The following GPC6 variants were observed in gnomAD, a reference collection of about 807,000 sequenced individuals.
GPC6 encodes glypican-6.
GPC6 carries 14 observed loss-of-function variants against 55.2 expected under a neutral mutation model. The observed-to-expected ratio is 0.25, with a 90% confidence interval of 0.17 to 0.40. The LOEUF is 0.40. GPC6 is among the 10% of genes least tolerant of loss of function. The pLI, the probability that GPC6 is intolerant of heterozygous loss-of-function variation, is 1.00. For synonymous variants in GPC6, 278 were observed against 259.6 expected (o/e 1.07, Z -0.68); for missense variants, 641 against 708.5 (o/e 0.90, Z 1.08).
At chr13:93,364,494 T>C (rs1010796368) in intron 1 of GPC6, among the ~76,000 whole-genome samples, 4 of 152,092 alleles carry the variant, frequency 2.6e-5, no homozygotes, top group Non-Finnish European at 5.9e-5. Context: ...TAGTCGTTGA[T>C]GCTATATGTT....
chr13:93,370,960 A>G lies in GPC6; in HGVS notation c.160+143344A>G, dbSNP rs551347866. Among the ~76,000 whole-genome samples the G allele has an allele frequency of 8.5e-5, 13 of 152,150 alleles. No homozygotes were observed. The South Asian group carries it at 2.7e-3, about 32-fold the overall frequency. ...CTTCCATAGCCAATTAGAATGATTC[A>G]CCCTTTTGACAAATTGAAAAGACGG... On this transcript the variant is annotated intron_variant, in intron 1 of 8. Transcript: ENST00000377047.
intron 5 of GPC6, among the ~76,000 whole-genome samples, chr13:94,301,637 T>C (rs1875656119): frequency 6.6e-6 from 1 of 152,240 alleles, no homozygotes; most frequent in Non-Finnish European, 1.5e-5. Context: ...AATAATATTG[T>C]TATTCCCATT....
chr13:94,337,329 T>TATAA (rs1451089202), intron 6 of GPC6, among the ~76,000 whole-genome samples: 1 of 152,216 alleles, frequency 6.6e-6, no homozygotes, highest in Non-Finnish European at 1.5e-5. Context: ...AATAAAAATA[T>TATAA]AAATTTTATT....
At chr13:93,877,544 C>T (rs553957757) in intron 3 of GPC6, among the ~76,000 whole-genome samples, 1 of 152,132 alleles carries the variant, frequency 6.6e-6, no homozygotes, top group African/African-American at 2.4e-5. Context: ...GAATTTTACA[C>T]AGATATTATA....
chr13:94,014,344 G>T (rs1882371928), intron 3 of GPC6, among the ~76,000 whole-genome samples: 1 of 152,168 alleles, frequency 6.6e-6, no homozygotes, highest in African/African-American at 2.4e-5. Flanking sequence ...GTAATTCAGG[G>T]TTGATATTAT....
chr13:93,614,449 G>A (rs184510251), intron 2 of GPC6, among the ~76,000 whole-genome samples: 1 of 152,198 alleles, frequency 6.6e-6, no homozygotes, highest in Non-Finnish European at 1.5e-5. Context: ...TTACTTCTAT[G>A]TATCTCTGTT....
chr13:93,852,726 T>A (rs994725489), intron 3 of GPC6, among the ~76,000 whole-genome samples: 3 of 151,606 alleles, frequency 2.0e-5, no homozygotes. Flanking sequence ...TGTGATTCTG[T>A]TACTTGAAAT....
At chr13:94,401,416 T>A (rs918797565) in intron 8 of GPC6, among the ~76,000 whole-genome samples, 2 of 152,108 alleles carry the variant, frequency 1.3e-5, no homozygotes, top group African/African-American at 4.8e-5. Flanking sequence ...GTGACAGGAT[T>A]TGTCAAACAA....
intron 1 of GPC6, among the ~76,000 whole-genome samples, chr13:93,292,331 A>G (rs1410402207): frequency 6.6e-6 from 1 of 152,192 alleles, no homozygotes; most frequent in Non-Finnish European, 1.5e-5. Context: ...GCCCTATGCA[A>G]GTGGCAACTC....
chr13:94,189,411 G>A (rs1889310118), intron 4 of GPC6, among the ~76,000 whole-genome samples: 1 of 152,084 alleles, frequency 6.6e-6, no homozygotes, highest in South Asian at 2.1e-4. Context: ...ACAGGAGAGG[G>A]AGGCATGCTC....
At chr13:93,633,635 C>CAAATAAATAAAT (rs10656000) in intron 2 of GPC6, among the ~76,000 whole-genome samples, 104 of 147,164 alleles carry the variant, frequency 7.1e-4, no homozygotes, top group East Asian at 1.6e-3. Flanking sequence ...GACTCTGTCT[C>CAAATAAATAAAT]AAATAAATAA....
intron 4 of GPC6, among the ~76,000 whole-genome samples, chr13:94,096,196 C>T (rs1307906572): frequency 1.3e-5 from 2 of 152,120 alleles, no homozygotes; most frequent in East Asian, 3.9e-4. Context: ...CTTTAAAATA[C>T]AGAATTCTAT....
chr13:94,332,728 G>A (rs1018065479), intron 6 of GPC6, among the ~76,000 whole-genome samples: 3 of 152,192 alleles, frequency 2.0e-5, no homozygotes, highest in African/African-American at 7.2e-5. Context: ...TTTGTTTCCT[G>A]TAATGTTCTG....
chr13:94,182,974 C>T (rs916304571), intron 4 of GPC6, among the ~76,000 whole-genome samples: 1 of 152,142 alleles, frequency 6.6e-6, no homozygotes, highest in Non-Finnish European at 1.5e-5. Context: ...GACAAGGTCT[C>T]ACTGTGTTGC....
At chr13:93,241,193 C>T (rs1474705041) in intron 1 of GPC6, among the ~76,000 whole-genome samples, 1 of 152,160 alleles carries the variant, frequency 6.6e-6, no homozygotes, top group East Asian at 1.9e-4. Context: ...TCTATCAAGA[C>T]CAGACAAGTT....
At chr13:93,396,876 C>T (rs1034114605) in intron 1 of GPC6, among the ~76,000 whole-genome samples, 2 of 151,980 alleles carry the variant, frequency 1.3e-5, no homozygotes, top group Non-Finnish European at 2.9e-5. Flanking sequence ...TATTTTTATG[C>T]ACATGCTTTT....
chr13:94,135,008 G>A (rs1016594673), intron 4 of GPC6, among the ~76,000 whole-genome samples: 8 of 152,156 alleles, frequency 5.3e-5, no homozygotes, highest in South Asian at 2.1e-4. Context: ...ACTAACACAT[G>A]TGACCTTCAG....
intron 2 of GPC6, among the ~76,000 whole-genome samples, chr13:93,630,941 G>A (rs1354718623): frequency 1.3e-5 from 2 of 152,004 alleles, no homozygotes; most frequent in East Asian, 1.9e-4. Flanking sequence ...TTAAAATTAG[G>A]TCATTAGAGT....
chr13:93,836,527 G>C (rs1887737885), intron 3 of GPC6, among the ~76,000 whole-genome samples: 1 of 152,114 alleles, frequency 6.6e-6, no homozygotes. Flanking sequence ...TTTGTGATTA[G>C]TGTATTCATT....
Sources: gnomAD v4.1 joint callset for allele counts (sites outside exome capture counted in the v4.1 genomes callset) on GRCh38, gnomAD v4.1.1 for gene constraint, MANE v1.5 for transcripts, NCBI Gene and HGNC (gene_info 2026-07-23, HGNC 2026-07-21) for gene names.